The following TENM2 variants were observed in gnomAD, a reference collection of about 807,000 sequenced individuals.
TENM2 encodes teneurin-2.
In TENM2, 52 loss-of-function variants were observed where a neutral mutation model predicts 245.2. That is an observed-to-expected ratio of 0.21 (90% CI 0.17 to 0.27). The LOEUF (loss-of-function observed/expected upper bound fraction) is 0.27. TENM2 is among the 10% of genes least tolerant of loss of function. TENM2 has a pLI of 1.00. For synonymous variants in TENM2, 1,363 were observed against 1,438.9 expected (o/e 0.95, Z 1.19); for missense variants, 3,046 against 3,666.8 (o/e 0.83, Z 4.37).
chr5:167,717,252 G>A (rs567992278), intron 2 of TENM2, among the ~76,000 whole-genome samples: 4 of 152,116 alleles, frequency 2.6e-5, no homozygotes, highest in South Asian at 2.1e-4. Flanking sequence ...TACCATGCCC[G>A]GCCAACTTTG....
intron 7 of TENM2, among the ~76,000 whole-genome samples, chr5:168,078,073 A>C (rs1012060683): frequency 1.3e-5 from 2 of 152,192 alleles, no homozygotes; most frequent in African/African-American, 2.4e-5. Flanking sequence ...ATTTCTCCAC[A>C]GCCTCTCCAG....
intron 1 of TENM2, among the ~76,000 whole-genome samples, chr5:167,351,173 T>G (rs1758887629): frequency 6.7e-6 from 1 of 149,086 alleles, no homozygotes; most frequent in South Asian, 2.1e-4. Context: ...ATGGGATATA[T>G]ACATATGGGA....
At position 167,614,376 on chromosome 5, in the gene TENM2, G is replaced by A. The variant is rs1000401916; in HGVS notation, c.502+238903G>A. Among the ~76,000 whole-genome samples the A allele has an allele frequency of 5.3e-5, 8 of 152,102 alleles. No individual in the cohort carries two copies. The East Asian group carries it at 5.8e-4, about 11-fold the overall frequency. ...CATAGGATCCTCTCCTTCACCCAGC[G>A]AGAAGGCCAAGGTCAACTTTTGGCT... On this transcript the variant is annotated intron_variant, in intron 2 of 28. Transcript: ENST00000518659.
At chr5:167,537,474 T>C (rs1771928888) in intron 2 of TENM2, among the ~76,000 whole-genome samples, 1 of 152,226 alleles carries the variant, frequency 6.6e-6, no homozygotes, top group Admixed American at 6.5e-5. Flanking sequence ...CTCTTATCAC[T>C]TGGTATAAAA....
exon 27 of TENM2, chr5:168,248,005 G>C: frequency 6.2e-7 from 1 of 1,613,948 alleles, no homozygotes; most frequent in Non-Finnish European, 8.5e-7. Context: ...CCACCTCTTT[G>C]CCATGGAGAG....
intron 3 of TENM2, among the ~76,000 whole-genome samples, chr5:167,917,275 A>G (rs1777024898): frequency 6.6e-6 from 1 of 152,092 alleles, no homozygotes; most frequent in African/African-American, 2.4e-5. Context: ...AGCCCAAGAG[A>G]AAATTCCCTC....
chr5:168,153,713 C>T (rs1022247739), intron 12 of TENM2, among the ~76,000 whole-genome samples: 7 of 152,114 alleles, frequency 4.6e-5, no homozygotes, highest in African/African-American at 1.4e-4. Flanking sequence ...GTCTGGATCC[C>T]GGGGGCTTGT....
At chr5:167,221,068 T>A in the TENM2 span, among the ~76,000 whole-genome samples, 1 of 152,146 alleles carries the variant, frequency 6.6e-6, no homozygotes, top group Non-Finnish European at 1.5e-5. Flanking sequence ...TCTCAGGTGA[T>A]CCGCACACCT....
chr5:167,463,506 AT>A lies in TENM2; in HGVS notation c.502+88042del, dbSNP rs34710536. 2.4e-3 allele frequency among the ~76,000 whole-genome samples: 257 copies of A among 106,358 alleles called. 2 individuals are homozygous for A. The highest frequency in any genetic ancestry group is 4.1e-3 in the Non-Finnish European group (190 of 45,964). The allele number at this position is 106,358 out of a possible 152,430, so 69.8% of individuals were successfully genotyped here. A position where few individuals can be genotyped will look rare whatever the true frequency, so the allele number is the denominator to read the frequency against. ...TACTAGAAGATATTTATTTTATTTT[AT>A]TTTTTTTTGAGGCAGAGTTTCACTT... On this transcript the variant is annotated intron_variant, in intron 2 of 28. Coordinates refer to ENST00000518659, the Ensembl canonical transcript of TENM2.
the TENM2 span, among the ~76,000 whole-genome samples, chr5:167,192,728 G>A: frequency 2.0e-5 from 3 of 151,956 alleles, no homozygotes; most frequent in African/African-American, 4.8e-5. Flanking sequence ...GCTCATATTC[G>A]CTATGGTTAG....
At chr5:167,314,556 A>G (rs890634515) in intron 1 of TENM2, among the ~76,000 whole-genome samples, 2 of 152,180 alleles carry the variant, frequency 1.3e-5, no homozygotes, top group East Asian at 1.9e-4. Context: ...GTGATTTAAC[A>G]TAGTTAAGAG....
intron 2 of TENM2, among the ~76,000 whole-genome samples, chr5:167,556,023 A>G (rs1296547209): frequency 6.6e-6 from 1 of 152,134 alleles, no homozygotes; most frequent in East Asian, 1.9e-4. Context: ...GAAGGAAAAT[A>G]AAATGCCCTT....
intron 2 of TENM2, among the ~76,000 whole-genome samples, chr5:167,533,061 C>A (rs1340246041): frequency 6.6e-6 from 1 of 151,974 alleles, no homozygotes; most frequent in Non-Finnish European, 1.5e-5. Context: ...TTCAGGAGTG[C>A]TTTGAAGGAG....
chr5:168,078,026 T>A (rs1486566674), intron 7 of TENM2, among the ~76,000 whole-genome samples: 2 of 152,336 alleles, frequency 1.3e-5, no homozygotes, highest in Non-Finnish European at 2.9e-5. Context: ...ATGGTTGAAC[T>A]AGTTTACGCT....
chr5:167,178,043 A>C, the TENM2 span, among the ~76,000 whole-genome samples: 2 of 152,216 alleles, frequency 1.3e-5, no homozygotes, highest in African/African-American at 4.8e-5. Flanking sequence ...TTTTATTCTT[A>C]CAGTGACAAA....
the TENM2 span, among the ~76,000 whole-genome samples, chr5:167,095,912 A>G: frequency 1.4e-4 from 22 of 151,920 alleles, no homozygotes; most frequent in Non-Finnish European, 2.9e-4. Flanking sequence ...CTAGGATTAC[A>G]GGCACCCGCC....
At chr5:167,952,243 G>A (rs1455686543) in intron 3 of TENM2, 10 of 379,842 alleles carry the variant, frequency 2.6e-5, no homozygotes, top group Non-Finnish European at 4.8e-5. Flanking sequence ...AAAGGGAATA[G>A]GGACTTGCTA....
intron 1 of TENM2, among the ~76,000 whole-genome samples, chr5:167,347,187 G>T (rs2127830004): frequency 6.6e-6 from 1 of 151,458 alleles, no homozygotes; most frequent in South Asian, 2.1e-4. Context: ...CTTTTTTAAT[G>T]GATAGTACGC....
the TENM2 span, among the ~76,000 whole-genome samples, chr5:167,052,121 T>C: frequency 6.6e-6 from 1 of 152,164 alleles, no homozygotes; most frequent in Non-Finnish European, 1.5e-5. Flanking sequence ...TATTTTGCTT[T>C]TTAACTCAAT....
Sources: gnomAD v4.1 joint callset for allele counts (sites outside exome capture counted in the v4.1 genomes callset) on GRCh38, gnomAD v4.1.1 for gene constraint, MANE v1.5 for transcripts, NCBI Gene and HGNC (gene_info 2026-07-23, HGNC 2026-07-21) for gene names.